MCM10: variants seen among roughly 807,000 people sequenced by gnomAD.
MCM10 encodes protein MCM10 homolog.
MCM10 carries 91 observed loss-of-function variants against 109.9 expected under a neutral mutation model. The observed-to-expected ratio is 0.83, with a 90% CI of 0.70 to 0.99. MCM10 has a LOEUF of 0.99. Among genes scored for constraint, MCM10 ranks in the 50% least tolerant of loss-of-function variants. The pLI, the probability that MCM10 is intolerant of heterozygous loss-of-function variation, is 0.00. For synonymous variants in MCM10, 380 were observed against 387.2 expected (o/e 0.98, Z 0.22); for missense variants, 1,077 against 1,061.2 (o/e 1.01, Z -0.21).
At chr10:13,205,397 T>C (rs1834566675) in intron 18 of MCM10, among the ~76,000 whole-genome samples, 1 of 152,138 alleles carries the variant, frequency 6.6e-6, no homozygotes, top group Non-Finnish European at 1.5e-5. Flanking sequence ...TTCCATTGTG[T>C]TTATGTACCA....
rs568671871 is a variant in MCM10, at chr10:13,183,170, T to G, written c.1098+70T>G. ...GTTAACTGAGTTTTATCAAAGATGT[T>G]TGATGCAGCACACAGTGGCTCACAC... On this transcript the variant is annotated intron_variant, in intron 8 of 19. Transcript: ENST00000378714. 1.1e-5 allele frequency: 17 copies of G among 1,540,836 alleles called. No homozygotes were observed. In the South Asian group the frequency reaches 1.9e-4, roughly 17 times the overall value.
rs529342194 is a variant in MCM10 at position 13,179,974 on chromosome 10, CCAGGCG to C, written c.765-464_765-459del. On this transcript the variant is annotated intron_variant, in intron 6 of 19. Coordinates refer to ENST00000378714, the MANE Select transcript of MCM10 (RefSeq NM_018518.5). ...CTAGCTTTAAAAATTATCTTAGAGG[CCAGGCG>C]CAGTGGTTCACACCTGTAATCCCCG... Among the ~76,000 whole-genome samples the C allele has an allele frequency of 1.9e-4, 29 of 152,312 alleles. No homozygotes were observed. In the South Asian group the frequency reaches 5.8e-3, roughly 30 times the overall value.
chr10:13,164,264 C>G, intron 2 of MCM10, 55 bp downstream of exon 2: 5 of 1,529,026 alleles, frequency 3.3e-6, no homozygotes, highest in Non-Finnish European at 4.4e-6. Flanking sequence ...ACCTTTTGTC[C>G]ATGGACTTGT....
Position 13,210,525 on chromosome 10 carries a change from GTTA to G in MCM10, c.*1220_*1222del, listed in dbSNP as rs1040398463. ...AAGTAATTTAGGTTTCCCCTAAGAT[GTTA>G]TTATGTTAGGGACATAACACTTTTG... On this transcript the variant is annotated 3_prime_UTR_variant, in exon 20 of 20. Coordinates refer to ENST00000378714, the MANE Select transcript of MCM10 (RefSeq NM_018518.5). 15 of 152,254 alleles carry G rather than the reference GTTA, an allele frequency of 9.9e-5. No individual in the cohort carries two copies. The highest frequency in any genetic ancestry group is 9.2e-4 in the Admixed American group (14 of 15,290). The allele number at this position is 152,254 out of a possible 1,614,324, so 9.4% of individuals were successfully genotyped here.
rs901989306 is a variant in MCM10, at chr10:13,182,911, A to T, written c.931-22A>T. 1.9e-6 allele frequency: 3 copies of T among 1,597,904 alleles called. No individual in the cohort carries two copies. In the Admixed American group the frequency reaches 5.2e-5, roughly 28 times the overall value. On this transcript the variant is annotated intron_variant, in intron 7 of 19. Transcript: ENST00000378714. This position sits in a 1 kb window ranked among gnomAD's most constrained non-coding sequence, Gnocchi z 4.2. Reference sequence around the variant, plus strand: ...GGCATAACCTACAGTTCAAAATTATAAAAAATAACTATTTGTTCCAGGGAA... The same window carrying T: ...GGCATAACCTACAGTTCAAAATTATTAAAAATAACTATTTGTTCCAGGGAA...
chr10:13,172,658 G>A lies in MCM10; in HGVS notation c.485G>A (p.Arg162Lys). 6.2e-7 allele frequency: 1 copy of A among 1,614,186 alleles called. No homozygotes were observed. The highest frequency in any genetic ancestry group is 8.5e-7 in the Non-Finnish European group (1 of 1,180,032). The change falls in exon 5 of 20, where the codon AGG (arginine) becomes AAG (lysine). Residue 162 changes from arginine to lysine, a missense_variant. Arg to Lys is a conservative substitution (Grantham distance 26). Coordinates refer to ENST00000378714, the MANE Select transcript of MCM10 (RefSeq NM_018518.5). The surrounding 1 kb of genome is among the most constrained non-coding windows in gnomAD (Gnocchi z 5.2). ...TCTCCCCGGCCACCTCTTAAGGAGA[G>A]GAGAGTTCAGAGAATTCAGGAGTCA... is the stretch of plus-strand genomic sequence containing the variant. ...EKSPRPPLKE[R>K]RVQRIQESTC...
intron 8 of MCM10, among the ~76,000 whole-genome samples, chr10:13,183,889 G>C (rs911080500): frequency 1.3e-5 from 2 of 151,908 alleles, no homozygotes; most frequent in Non-Finnish European, 2.9e-5. Context: ...ATGGAGTTTC[G>C]CTCTTGTTGC....
chr10:13,197,626 G>A lies in MCM10; in HGVS notation c.1978G>A (p.Ala660Thr). Residue 660 changes from alanine (A) to threonine (T), a missense_variant, in exon 15 of 20, where the codon GCT (alanine) becomes ACT (threonine). By Grantham distance (58) the Ala-to-Thr change is moderately conservative. Coordinates refer to ENST00000378714, the MANE Select transcript of MCM10 (RefSeq NM_018518.5). ...CCTCTCATTCCCTTTTTTCTAGTTA[G>A]CTGCTATCACCAAATTAAGGGCAAA... ...LSALAEAKKL[A>T]AITKLRAKGQ... 4 of 1,610,522 alleles carry A rather than the reference G, an allele frequency of 2.5e-6. No individual in the cohort carries two copies. Among genetic ancestry groups the A allele is most frequent in the Non-Finnish European group, 3.4e-6 (4 of 1,178,974 alleles).
intron 3 of MCM10, among the ~76,000 whole-genome samples, chr10:13,171,804 A>G (rs1588466621): frequency 6.6e-6 from 1 of 151,564 alleles, no homozygotes; most frequent in East Asian, 1.9e-4. Context: ...TTGCTGTGTC[A>G]CCCAGGCTGG....
At position 13,182,933 on chromosome 10, in the gene MCM10, G is replaced by A. The variant is rs1588471268; in HGVS notation, c.931G>A (p.Gly311Arg). 6.2e-7 allele frequency: 1 copy of A among 1,610,490 alleles called. No individual in the cohort carries two copies. Among genetic ancestry groups the A allele is most frequent in the Non-Finnish European group, 8.5e-7 (1 of 1,178,028 alleles). The change falls in exon 8 of 20, where the codon GGA becomes AGA. Residue 311 changes from glycine (G) to arginine (R), a missense_variant and splice_region_variant. Transcript: ENST00000378714. The surrounding 1 kb of genome is among the most constrained non-coding windows in gnomAD (Gnocchi z 4.2). The part of the protein sequence containing the change: ...KKVTPQSVNS[G>R]KTFSIWKLND... Reference sequence around the variant, plus strand: ...TATAAAAAATAACTATTTGTTCCAGGGAAAAACCTTCAGCATATGGAAACT... The same window carrying A: ...TATAAAAAATAACTATTTGTTCCAGAGAAAAACCTTCAGCATATGGAAACT...
Position 13,188,912 on chromosome 10 carries a change from A to G in MCM10, c.1247A>G (p.Gln416Arg), listed in dbSNP as rs1238097996. 6.2e-7 allele frequency: 1 copy of G among 1,614,184 alleles called. No individual in the cohort carries two copies. Among genetic ancestry groups the G allele is most frequent in the Admixed American group, 1.7e-5 (1 of 60,010 alleles). ...RDCEYCQYHV[Q>R]AQYKKLSAKR... ...TGTGAGTACTGTCAGTACCATGTCC[A>G]GGCTCAGTACAAGAAGCTCAGCGCA... The change falls in exon 10 of 20, where the codon CAG becomes CGG. Residue 416 changes from glutamine (Q) to arginine (R), a missense_variant. Transcript: ENST00000378714.
At chr10:13,181,368 T>A (rs901535762) in intron 7 of MCM10, among the ~76,000 whole-genome samples, 1 of 152,116 alleles carries the variant, frequency 6.6e-6, no homozygotes, top group Non-Finnish European at 1.5e-5. Context: ...TGACATGGGG[T>A]TGAATTTTAA....
At chr10:13,161,836 T>C (rs1833930882) in intron 1 of MCM10, among the ~76,000 whole-genome samples, 1 of 152,240 alleles carries the variant, frequency 6.6e-6, no homozygotes, top group Non-Finnish European at 1.5e-5. Flanking sequence ...GGGTTCTTCC[T>C]TTTAAACGCA....
chr10:13,185,994 T>G (rs1304629918), intron 8 of MCM10, among the ~76,000 whole-genome samples, 170 bp from the exon 9 acceptor site: 2 of 152,216 alleles, frequency 1.3e-5, no homozygotes, highest in African/African-American at 4.8e-5. Context: ...ACTCTTGGCC[T>G]CAAGCGATCC....
At position 13,210,807 on chromosome 10, in the gene MCM10, T is replaced by A. The variant is rs1834651710; in HGVS notation, c.*1497T>A. The A allele has an allele frequency of 6.6e-6, 1 of 152,188 alleles. No individual in the cohort carries two copies. Among genetic ancestry groups the A allele is most frequent in the Non-Finnish European group, 1.5e-5 (1 of 68,034 alleles). The allele number at this position is 152,188 out of a possible 1,614,324, so 9.4% of individuals were successfully genotyped here. A position where few individuals can be genotyped will look rare whatever the true frequency, so the allele number is the denominator to read the frequency against. ...TTATTAATAAGAACCAGAAAGCACT[T>A]GAAACTGATGTTTTTAATGGCTCAT... is the stretch of plus-strand genomic sequence containing the variant. On this transcript the variant is annotated 3_prime_UTR_variant, in exon 20 of 20. Coordinates refer to ENST00000378714, the MANE Select transcript of MCM10 (RefSeq NM_018518.5).
chr10:13,204,150 T>TA (rs1365661804), intron 17 of MCM10, 69 bp from the exon 18 acceptor site: 6 of 1,570,394 alleles, frequency 3.8e-6, no homozygotes, highest in Non-Finnish European at 5.2e-6. Context: ...AGATTGCCCT[T>TA]ACTGCAGCTG....
intron 18 of MCM10, among the ~76,000 whole-genome samples, chr10:13,208,613 T>G (rs1268922551): frequency 6.6e-6 from 1 of 150,786 alleles, no homozygotes; most frequent in Admixed American, 6.6e-5. Context: ...TAAAGGCTTT[T>G]GGGTTATAAA....
At chr10:13,196,217 AAAAG>A (rs920494971) in intron 14 of MCM10, among the ~76,000 whole-genome samples, 31 of 151,762 alleles carry the variant, frequency 2.0e-4, no homozygotes, top group Non-Finnish European at 4.0e-4. Context: ...AGAATCCTTT[AAAAG>A]AAATCTTACA....
intron 18 of MCM10, among the ~76,000 whole-genome samples, chr10:13,208,817 T>C (rs1483852380): frequency 6.6e-6 from 1 of 152,170 alleles, no homozygotes; most frequent in Non-Finnish European, 1.5e-5. Context: ...TTACCTGCAG[T>C]GCGTGGATCC....
Sources: allele counts gnomAD v4.1 joint callset (sites outside exome capture counted in the v4.1 genomes callset), GRCh38; gene constraint gnomAD v4.1.1; non-coding constraint Gnocchi (gnomAD v3.1); transcripts MANE v1.5; gene names NCBI Gene and HGNC (gene_info 2026-07-23, HGNC 2026-07-21).